The following COL5A2 variants were observed in gnomAD, a reference collection of about 807,000 sequenced individuals.
COL5A2 encodes the protein collagen alpha-2(V) chain.
In COL5A2, 23 loss-of-function variants were observed where a neutral mutation model predicts 208.2. The ratio of observed to expected loss-of-function variants is 0.11; its 90% confidence interval spans 0.08 to 0.16. The LOEUF is 0.16. Among genes scored for constraint, COL5A2 ranks in the 10% least tolerant of loss-of-function variants. The pLI is 1.00. For synonymous variants in COL5A2, 625 were observed against 628.5 expected (o/e 0.99, Z 0.08); for missense variants, 1,590 against 1,956.4 (o/e 0.81, Z 3.53).
chr2:189,416,725 T>A, the COL5A2 span, among the ~76,000 whole-genome samples: 3,638 of 152,216 alleles, frequency 0.024, 153 homozygotes, highest in African/African-American at 0.084. Flanking sequence ...AATAAAATTT[T>A]TTAAAAAAAT....
intron 1 of COL5A2, among the ~76,000 whole-genome samples, chr2:189,158,166 G>A (rs927479122): frequency 6.6e-6 from 1 of 151,930 alleles, no homozygotes; most frequent in Non-Finnish European, 1.5e-5. Flanking sequence ...TGCAATGACC[G>A]ACTCCATAGT....
intron 2 of COL5A2, 22 bp downstream of exon 2, chr2:189,110,203 A>T (rs755940363): frequency 6.7e-7 from 1 of 1,481,558 alleles, no homozygotes; most frequent in Non-Finnish European, 9.4e-7. Context: ...ATCAATTATG[A>T]GTTGGCCCTA....
chr2:189,376,400 T>C, the COL5A2 span, among the ~76,000 whole-genome samples: 1 of 152,162 alleles, frequency 6.6e-6, no homozygotes, highest in African/African-American at 2.4e-5. Context: ...ATATTCTTGA[T>C]ATGTTTGAAA....
intron 2 of COL5A2, among the ~76,000 whole-genome samples, chr2:189,109,587 C>T (rs1182278958): frequency 6.6e-6 from 1 of 152,114 alleles, no homozygotes; most frequent in Non-Finnish European, 1.5e-5. Flanking sequence ...TAAATATAAA[C>T]TTGTTTCCCT....
chr2:189,061,439 T>C, intron 30 of COL5A2, 123 bp downstream of exon 30: 1 of 770,352 alleles, frequency 1.3e-6, no homozygotes, highest in Non-Finnish European at 2.2e-6. Flanking sequence ...TACTATCTAC[T>C]AAAAGAGGGA....
At chr2:189,366,267 A>T in the COL5A2 span, among the ~76,000 whole-genome samples, 1 of 152,158 alleles carries the variant, frequency 6.6e-6, no homozygotes, top group Non-Finnish European at 1.5e-5. Flanking sequence ...CCCCCACCCC[A>T]TTAATGACAA....
chr2:189,397,727 T>C, the COL5A2 span, among the ~76,000 whole-genome samples: 1 of 152,038 alleles, frequency 6.6e-6, no homozygotes, highest in African/African-American at 2.4e-5. Flanking sequence ...ACACCAAAGA[T>C]TTATCAAACT....
chr2:189,330,762 C>G, the COL5A2 span, among the ~76,000 whole-genome samples: 3 of 152,228 alleles, frequency 2.0e-5, no homozygotes, highest in African/African-American at 7.2e-5. Flanking sequence ...AGCACAGGCT[C>G]ATTGCAATTA....
At chr2:189,225,060 A>G (rs191709226) in intron 1 of COL5A2, among the ~76,000 whole-genome samples, 23 of 152,330 alleles carry the variant, frequency 1.5e-4, no homozygotes, top group Admixed American at 1.3e-3. Context: ...CAAGGAGTTA[A>G]CACAGAGATA....
intron 1 of COL5A2, among the ~76,000 whole-genome samples, chr2:189,218,444 T>G (rs1689305969): frequency 6.6e-6 from 1 of 152,100 alleles, no homozygotes; most frequent in Admixed American, 6.6e-5. Flanking sequence ...CAACAGGAGC[T>G]GGGAAGAGGC....
At chr2:189,239,705 C>T in the COL5A2 span, among the ~76,000 whole-genome samples, 7 of 151,360 alleles carry the variant, frequency 4.6e-5, no homozygotes, top group Admixed American at 6.6e-5. Flanking sequence ...ACCAGCATGG[C>T]ACATGTATAC....
chr2:189,231,500 C>T, the COL5A2 span, among the ~76,000 whole-genome samples: 1 of 151,562 alleles, frequency 6.6e-6, no homozygotes, highest in Non-Finnish European at 1.5e-5. Flanking sequence ...ATGTTTTACA[C>T]TGGGGAAAAA....
chr2:189,057,305 A>AAAAAAAAAAAAAC lies in COL5A2; in HGVS notation c.2337+14_2337+15insGTTTTTTTTTTTT. ...TAAATGAACTGAAAAAAAAAAAAAA[A>AAAAAAAAAAAAAC]AAAAAAGGACTTACTCTGTCACCCT... On this transcript the variant is annotated intron_variant, in intron 34 of 53. Transcript: ENST00000374866. 1 of 1,485,642 alleles carries AAAAAAAAAAAAAC rather than the reference A, an allele frequency of 6.7e-7. No individual in the cohort carries two copies. The highest frequency in any genetic ancestry group is 9.2e-7 in the Non-Finnish European group (1 of 1,092,498). The allele number at this position is 1,485,642 out of a possible 1,614,324, so 92.0% of individuals were successfully genotyped here. A position where few individuals can be genotyped will look rare whatever the true frequency, so the allele number is the denominator to read the frequency against.
At chr2:189,209,985 G>A (rs868314374) in intron 1 of COL5A2, among the ~76,000 whole-genome samples, 1 of 152,176 alleles carries the variant, frequency 6.6e-6, no homozygotes, top group Non-Finnish European at 1.5e-5. Flanking sequence ...TGGTAATGCC[G>A]CCCTGAAAGG....
At chr2:189,311,445 C>T in the COL5A2 span, 34 of 1,138,190 alleles carry the variant, frequency 3.0e-5, no homozygotes, top group African/African-American at 1.1e-4. Flanking sequence ...AGCTTGACCT[C>T]GATGTTCAGC....
the COL5A2 span, among the ~76,000 whole-genome samples, chr2:189,333,994 T>C: frequency 6.6e-6 from 1 of 151,724 alleles, no homozygotes; most frequent in South Asian, 2.1e-4. Context: ...ATACAATGTA[T>C]CTCAGCATAA....
intron 1 of COL5A2, among the ~76,000 whole-genome samples, chr2:189,162,834 G>C (rs1025965369): frequency 3.9e-5 from 6 of 152,130 alleles, no homozygotes; most frequent in African/African-American, 1.4e-4. Context: ...GACTCAGTCA[G>C]TACTAGTGAA....
intron 1 of COL5A2, among the ~76,000 whole-genome samples, chr2:189,212,605 C>T (rs533122522): frequency 6.6e-6 from 1 of 150,942 alleles, no homozygotes; most frequent in East Asian, 2.0e-4. Context: ...TGCCACTTCA[C>T]TCCAGCCTGG....
Position 189,086,774 on chromosome 2 carries a change from A to G in COL5A2, c.646-4T>C. Reference sequence around the variant, plus strand: ...GTCCCCTTGGGCCAACAGGACCCTTAAAAACAAATGAGGAGAAACGTTGCA... The same window carrying G: ...GTCCCCTTGGGCCAACAGGACCCTTGAAAACAAATGAGGAGAAACGTTGCA... On this transcript the variant is annotated splice_polypyrimidine_tract_variant and splice_region_variant and intron_variant, in intron 8 of 53. Transcript: ENST00000374866. 1 of 1,578,968 alleles carries G rather than the reference A, an allele frequency of 6.3e-7. No homozygotes were observed. Among genetic ancestry groups the G allele is most frequent in the Admixed American group, 1.8e-5 (1 of 55,978 alleles).
Sources: gnomAD v4.1 joint callset for allele counts (sites outside exome capture counted in the v4.1 genomes callset) on GRCh38, gnomAD v4.1.1 for gene constraint, MANE v1.5 for transcripts, NCBI Gene and HGNC (gene_info 2026-07-23, HGNC 2026-07-21) for gene names.